IQCM: variants seen among roughly 807,000 people sequenced by gnomAD.
The protein encoded by IQCM is IQ motif containing M, also known as IQ domain-containing protein M.
IQCM carries 45 observed loss-of-function variants against 57.6 expected under a neutral mutation model. The observed-to-expected ratio is 0.78, with a 90% CI of 0.62 to 1.00. The LOEUF (loss-of-function observed/expected upper bound fraction) is 1.00, where lower values mean the gene tolerates loss of function less well. IQCM is among the 50% of genes least tolerant of loss of function. The pLI is 0.00. For synonymous variants in IQCM, 148 were observed against 158.9 expected (o/e 0.93, Z 0.51); for missense variants, 468 against 511.6 (o/e 0.91, Z 0.82).
At chr4:149,535,697 A>T (rs1365765823) in intron 12 of IQCM, among the ~76,000 whole-genome samples, 3 of 152,082 alleles carry the variant, frequency 2.0e-5, no homozygotes, top group Non-Finnish European at 4.4e-5. Context: ...CAGATTCTCT[A>T]TGCAGCTTAC....
At chr4:149,607,103 C>T (rs1199621962) in intron 8 of IQCM, among the ~76,000 whole-genome samples, 1 of 151,762 alleles carries the variant, frequency 6.6e-6, no homozygotes, top group African/African-American at 2.4e-5. Context: ...AAGACTACCA[C>T]AAGGCATATA....
intron 2 of IQCM, among the ~76,000 whole-genome samples, chr4:149,793,292 T>G (rs1166969848): frequency 1.3e-5 from 2 of 152,124 alleles, no homozygotes; most frequent in Non-Finnish European, 2.9e-5. Flanking sequence ...ACCTCAAAAT[T>G]CCTTCCATGC....
At chr4:149,386,164 T>C in intron 13 of IQCM, among the ~76,000 whole-genome samples, 1 of 152,068 alleles carries the variant, frequency 6.6e-6, no homozygotes, top group East Asian at 1.9e-4. Flanking sequence ...CACCTGTAAT[T>C]TACTATTACT....
At chr4:149,657,647 C>G (rs1381789667) in intron 7 of IQCM, among the ~76,000 whole-genome samples, 1 of 152,070 alleles carries the variant, frequency 6.6e-6, no homozygotes, top group Non-Finnish European at 1.5e-5. Flanking sequence ...GTTTCCTTTT[C>G]TCTATATCTT....
intron 8 of IQCM, among the ~76,000 whole-genome samples, chr4:149,616,893 C>A (rs1309814280): frequency 2.0e-5 from 3 of 151,892 alleles, no homozygotes; most frequent in Non-Finnish European, 4.4e-5. Flanking sequence ...ATAGGTGCAG[C>A]AAACCACCAT....
intron 10 of IQCM, among the ~76,000 whole-genome samples, chr4:149,561,210 C>T (rs1008795443): frequency 2.0e-5 from 3 of 152,100 alleles, no homozygotes; most frequent in Non-Finnish European, 2.9e-5. Flanking sequence ...ATTCTATCTC[C>T]GTATAGAAAT....
intron 8 of IQCM, among the ~76,000 whole-genome samples, chr4:149,599,555 C>G (rs969326923): frequency 2.6e-5 from 4 of 151,850 alleles, no homozygotes; most frequent in African/African-American, 9.7e-5. Flanking sequence ...CACACACATG[C>G]AGGTATACAT....
chr4:149,723,390 C>T (rs537261848), intron 5 of IQCM, among the ~76,000 whole-genome samples: 1 of 151,792 alleles, frequency 6.6e-6, no homozygotes, highest in Non-Finnish European at 1.5e-5. Flanking sequence ...TGTTTTCAAC[C>T]TTTCATTGTT....
intron 5 of IQCM, among the ~76,000 whole-genome samples, chr4:149,726,618 C>G (rs1292481311): frequency 7.2e-5 from 11 of 152,028 alleles, no homozygotes; most frequent in Admixed American, 7.2e-4. Flanking sequence ...TAAATAATAT[C>G]TATACCTGTG....
At chr4:149,544,483 A>AT (rs1366520770) in intron 12 of IQCM, among the ~76,000 whole-genome samples, 1 of 152,182 alleles carries the variant, frequency 6.6e-6, no homozygotes, top group Non-Finnish European at 1.5e-5. Context: ...CTATACTACC[A>AT]AAATGATCTA....
At chr4:149,529,709 A>G (rs759968415) in intron 12 of IQCM, among the ~76,000 whole-genome samples, 7 of 151,924 alleles carry the variant, frequency 4.6e-5, no homozygotes, top group Non-Finnish European at 7.4e-5. Context: ...TTCTCATCAT[A>G]CCCTGTAAAC....
At chr4:149,387,872 G>A (rs1161211562) in intron 13 of IQCM, among the ~76,000 whole-genome samples, 1 of 151,820 alleles carries the variant, frequency 6.6e-6, no homozygotes, top group Non-Finnish European at 1.5e-5. Flanking sequence ...TTAAGCAACT[G>A]ATAATCTGAT....
chr4:149,525,033 G>A (rs1440768580), intron 12 of IQCM, among the ~76,000 whole-genome samples: 1 of 151,708 alleles, frequency 6.6e-6, no homozygotes, highest in Non-Finnish European at 1.5e-5. Context: ...TCCTTTCAAA[G>A]AAGCACTGGA....
chr4:149,361,090 T>A (rs768233994), intron 13 of IQCM, among the ~76,000 whole-genome samples: 1 of 152,204 alleles, frequency 6.6e-6, no homozygotes, highest in Non-Finnish European at 1.5e-5. Flanking sequence ...TTGTTACATT[T>A]TAGCAAAGAG....
chr4:149,353,829 G>A (rs370952788), intron 13 of IQCM, among the ~76,000 whole-genome samples: 7 of 152,132 alleles, frequency 4.6e-5, no homozygotes, highest in African/African-American at 1.7e-4. Flanking sequence ...AGTAGCAGAT[G>A]TTTAAGATGA....
chr4:149,457,599 A>G (rs900614112), intron 12 of IQCM, among the ~76,000 whole-genome samples: 1 of 150,496 alleles, frequency 6.6e-6, no homozygotes, highest in African/African-American at 2.4e-5. Flanking sequence ...CTAAGAAAAG[A>G]AAAAAAAAGA....
chr4:149,514,415 A>T (rs1436140663), intron 12 of IQCM: 1 of 152,258 alleles, frequency 6.6e-6, no homozygotes, highest in Non-Finnish European at 1.5e-5. Context: ...ATACTAAAAT[A>T]CTTTGCTTAT....
At chr4:149,476,614 A>T (rs1740223055) in intron 12 of IQCM, among the ~76,000 whole-genome samples, 1 of 152,178 alleles carries the variant, frequency 6.6e-6, no homozygotes, top group South Asian at 2.1e-4. Context: ...AACTGGAAAA[A>T]AAAACCATTA....
At chr4:149,676,392 A>T (rs969182350) in intron 7 of IQCM, among the ~76,000 whole-genome samples, 2 of 152,080 alleles carry the variant, frequency 1.3e-5, no homozygotes, top group Non-Finnish European at 2.9e-5. Flanking sequence ...ATCAAACAAC[A>T]TGTTTTTTAG....
Sources: gnomAD v4.1 joint callset for allele counts (sites outside exome capture counted in the v4.1 genomes callset) on GRCh38, gnomAD v4.1.1 for gene constraint, MANE v1.5 for transcripts, NCBI Gene and HGNC (gene_info 2026-07-23, HGNC 2026-07-21) for gene names.